ZWILCH: variants seen among roughly 807,000 people sequenced by gnomAD.
The protein encoded by ZWILCH is zwilch kinetochore protein, also known as protein zwilch homolog.
In ZWILCH, 74 loss-of-function variants were observed where a neutral mutation model predicts 79.9. The ratio of observed to expected loss-of-function variants is 0.93; its 90% CI spans 0.77 to 1.12. ZWILCH has a LOEUF of 1.12. ZWILCH is among the 50% of genes most tolerant of loss of function. ZWILCH has a pLI of 0.00. For synonymous variants in ZWILCH, 241 were observed against 228.2 expected (o/e 1.06, Z -0.51); for missense variants, 694 against 687.5 (o/e 1.01, Z -0.11).
At chr15:66,521,736 C>T (rs570206507) in intron 7 of ZWILCH, among the ~76,000 whole-genome samples, 2 of 152,228 alleles carry the variant, frequency 1.3e-5, no homozygotes, top group South Asian at 4.1e-4. Flanking sequence ...TCAAGTGATC[C>T]TCCCACCTCC....
chr15:66,520,437 T>G, intron 5 of ZWILCH, 153 bp from the exon 6 acceptor site: 1 of 614,172 alleles, frequency 1.6e-6, no homozygotes, highest in Non-Finnish European at 3.0e-6. Context: ...CATTCTCTTA[T>G]AAACATTTCA....
At chr15:66,529,855 A>G (rs1156937842) in intron 12 of ZWILCH, among the ~76,000 whole-genome samples, 2 of 152,218 alleles carry the variant, frequency 1.3e-5, no homozygotes, top group Admixed American at 6.5e-5. Context: ...TGTGTAAACT[A>G]CTAATATTGT....
chr15:66,537,583 C>T lies in ZWILCH; in HGVS notation c.1574+320C>T, dbSNP rs934928927. Reference sequence around the variant, plus strand: ...GCATGCACCTATAATCCCAGCTACTCGGGAGGCTGAGGCAGGAGAATCGCT... The same window carrying T: ...GCATGCACCTATAATCCCAGCTACTTGGGAGGCTGAGGCAGGAGAATCGCT... On this transcript the variant is annotated intron_variant, in intron 16 of 18. Coordinates refer to ENST00000307897, the MANE Select transcript of ZWILCH (RefSeq NM_017975.5). Among the ~76,000 whole-genome samples, 8 of 151,898 alleles carry T rather than the reference C, an allele frequency of 5.3e-5. No homozygotes were observed. In the South Asian group the frequency reaches 8.3e-4, roughly 16 times the overall value.
intron 16 of ZWILCH, among the ~76,000 whole-genome samples, chr15:66,539,350 A>G (rs1372840615): frequency 6.9e-6 from 1 of 145,170 alleles, no homozygotes; most frequent in African/African-American, 2.6e-5. Context: ...GCTGTAGTGA[A>G]CTGTGATCAC....
intron 8 of ZWILCH, among the ~76,000 whole-genome samples, chr15:66,524,695 T>C (rs1395070886): frequency 6.6e-6 from 1 of 152,246 alleles, no homozygotes; most frequent in East Asian, 1.9e-4. Flanking sequence ...TTTGAGTGCC[T>C]GGTTCCCTAT....
Position 66,512,946 on chromosome 15 carries a change from A to G in ZWILCH, c.106-1042A>G, listed in dbSNP as rs532263035. ...GTAGCTGGGATTACAGGCCCCCGCCACCATGCCTGCCTGATATTTTGTAGT... is the reference window on the plus strand; with the variant it reads ...GTAGCTGGGATTACAGGCCCCCGCCGCCATGCCTGCCTGATATTTTGTAGT... On this transcript the variant is annotated intron_variant, in intron 2 of 18. Transcript: ENST00000307897. 3.3e-5 allele frequency among the ~76,000 whole-genome samples: 5 copies of G among 152,276 alleles called. No individual in the cohort carries two copies. The South Asian group carries it at 6.2e-4, about 19-fold the overall frequency.
chr15:66,521,727 C>T (rs534886679), intron 7 of ZWILCH, among the ~76,000 whole-genome samples: 1 of 152,166 alleles, frequency 6.6e-6, no homozygotes, highest in South Asian at 2.1e-4. Context: ...CCCCTGGGCT[C>T]AAGTGATCCT....
chr15:66,539,690 G>T (rs997752476), intron 16 of ZWILCH, among the ~76,000 whole-genome samples: 1 of 152,122 alleles, frequency 6.6e-6, no homozygotes, highest in Non-Finnish European at 1.5e-5. Flanking sequence ...CATTTCTTCA[G>T]ACATTCCACA....
intron 2 of ZWILCH, 129 bp from the exon 3 acceptor site, chr15:66,513,859 C>T: frequency 1.7e-6 from 1 of 572,850 alleles, no homozygotes. Flanking sequence ...GCGTGAGCCA[C>T]CGTGCCCGGC....
At chr15:66,531,488 T>C (rs1255593537) in intron 12 of ZWILCH, among the ~76,000 whole-genome samples, 1 of 152,098 alleles carries the variant, frequency 6.6e-6, no homozygotes, top group East Asian at 1.9e-4. Context: ...TGAGTCAGAG[T>C]CTTGCTCTAT....
rs762997367 is a variant in ZWILCH at position 66,523,726 on chromosome 15, A to G, written c.797A>G (p.Tyr266Cys). ...CCCAGAGGTCCTTTGAATCATCTCT[A>G]CAGAGAACTGAAATTTCTTCTTGTG... The part of the protein sequence containing the change: ...GEPRGPLNHL[Y>C]RELKFLLVLA... The change falls in exon 8 of 19, where the codon TAC becomes TGC. Residue 266 changes from tyrosine to cysteine, a missense_variant. Physicochemically the swap from Tyr to Cys is radical, Grantham distance 194. Coordinates refer to ENST00000307897, the MANE Select transcript of ZWILCH (RefSeq NM_017975.5). The G allele has an allele frequency of 8.7e-6, 14 of 1,611,246 alleles. No individual in the cohort carries two copies. In the East Asian group the frequency reaches 2.2e-4, roughly 26 times the overall value.
chr15:66,533,154 T>C (rs1894906171), intron 14 of ZWILCH, 141 bp downstream of exon 14: 1 of 472,956 alleles, frequency 2.1e-6, no homozygotes, highest in Non-Finnish European at 3.7e-6. Flanking sequence ...CCCGTAGTTA[T>C]TACTGCCTAG....
chr15:66,507,993 A>G (rs953170858), intron 1 of ZWILCH, among the ~76,000 whole-genome samples: 2 of 152,160 alleles, frequency 1.3e-5, no homozygotes, highest in Non-Finnish European at 2.9e-5. Flanking sequence ...TACGTAAGAC[A>G]TAAACATCTG....
At chr15:66,536,859 T>A (rs1481291068) in intron 15 of ZWILCH, among the ~76,000 whole-genome samples, 1 of 152,150 alleles carries the variant, frequency 6.6e-6, no homozygotes. Context: ...ATTGTTTCTC[T>A]CTTTCTGTAA....
chr15:66,506,876 G>C (rs1386108492), intron 1 of ZWILCH, among the ~76,000 whole-genome samples: 1 of 114,678 alleles, frequency 8.7e-6, no homozygotes. Context: ...TTTTTTTTTT[G>C]AGATGGAGTC....
At chr15:66,521,942 A>G (rs916739455) in intron 7 of ZWILCH, among the ~76,000 whole-genome samples, 1 of 152,202 alleles carries the variant, frequency 6.6e-6, no homozygotes, top group Non-Finnish European at 1.5e-5. Context: ...GCTCATGCCT[A>G]TAATCCCAGC....
At chr15:66,518,788 G>C in intron 4 of ZWILCH, 91 bp from the exon 5 acceptor site, 1 of 1,231,684 alleles carries the variant, frequency 8.1e-7, no homozygotes, top group Non-Finnish European at 1.2e-6. Flanking sequence ...TCCAGCCTGG[G>C]CAACAGAGTG....
chr15:66,514,156 G>C (rs1449564318), intron 3 of ZWILCH, 73 bp downstream of exon 3: 3 of 1,026,120 alleles, frequency 2.9e-6, no homozygotes, highest in Non-Finnish European at 4.3e-6. Flanking sequence ...ATAATCTAAC[G>C]TACACGTTTT....
chr15:66,505,414 G>A (rs756225226), intron 1 of ZWILCH, 23 bp downstream of exon 1: 6 of 1,613,626 alleles, frequency 3.7e-6, no homozygotes. Flanking sequence ...TCTTCTTTTG[G>A]CTGGGGTCCT....
Sources: gnomAD v4.1 joint callset for allele counts (sites outside exome capture counted in the v4.1 genomes callset) on GRCh38, gnomAD v4.1.1 for gene constraint, MANE v1.5 for transcripts, NCBI Gene and HGNC (gene_info 2026-07-23, HGNC 2026-07-21) for gene names.